BNIPL: variants seen among roughly 807,000 people sequenced by gnomAD.
BNIPL encodes the protein BCL2 interacting protein like.
In BNIPL, 33 loss-of-function variants were observed where a neutral mutation model predicts 47.0. The ratio of observed to expected loss-of-function variants is 0.70; its 90% CI spans 0.53 to 0.94. The LOEUF is 0.94. Among genes scored for constraint, BNIPL ranks in the 40% least tolerant of loss-of-function variants. The probability of loss-of-function intolerance (pLI) is 0.00; values close to 1 mark genes in which losing one functional copy is unlikely to be tolerated. For synonymous variants in BNIPL, 145 were observed against 162.7 expected (o/e 0.89, Z 0.83); for missense variants, 404 against 445.2 (o/e 0.91, Z 0.83).
intron 4 of BNIPL, among the ~76,000 whole-genome samples, chr1:151,040,787 C>T (rs1295355665): frequency 9.3e-6 from 1 of 106,984 alleles, no homozygotes; most frequent in Non-Finnish European, 1.9e-5. Context: ...AAGAGCAAAA[C>T]TCCATCTCAA....
Position 151,038,799 on chromosome 1 carries a change from C to T in BNIPL, c.206C>T (p.Ala69Val), listed in dbSNP as rs775521417. ...CTCTTTTTCCCCCTTTCTCCAGCTG[C>T]AGGTACCCCCAGCACTTTAGCCCTG... Reference protein sequence around the residue: ...EDPKGDSQAAAGTPSTLALCG... With the variant: ...EDPKGDSQAAVGTPSTLALCG... The change falls in exon 4 of 10, where the codon GCA (alanine) becomes GTA (valine). Residue 69 changes from alanine (A) to valine (V), a missense_variant. Physicochemically the swap from Ala to Val is moderately conservative, Grantham distance 64 (BLOSUM62 0). Transcript: ENST00000368931. 6.4e-7 allele frequency: 1 copy of T among 1,574,654 alleles called. No homozygotes were observed.
Position 151,046,825 on chromosome 1 carries a change from G to A in BNIPL, c.*138G>A. ...GATCTTCACTTCTCAGTGGGATTTTGTCCTTTGCATGACCCTACTTTCAGC... is the reference window on the plus strand; with the variant it reads ...GATCTTCACTTCTCAGTGGGATTTTATCCTTTGCATGACCCTACTTTCAGC... On this transcript the variant is annotated 3_prime_UTR_variant, in exon 10 of 10. Transcript: ENST00000368931. 1 of 694,438 alleles carries A rather than the reference G, an allele frequency of 1.4e-6. No individual in the cohort carries two copies. The highest frequency in any genetic ancestry group is 2.4e-6 in the Non-Finnish European group (1 of 420,062). 43.0% of individuals were successfully genotyped at this position (694,438 alleles called of 1,614,324 possible).
chr1:151,039,007 A>G lies in BNIPL; in HGVS notation c.414A>G (p.Gly138=), dbSNP rs902434926. 1.3e-6 allele frequency: 2 copies of G among 1,585,602 alleles called. No homozygotes were observed. The highest frequency in any genetic ancestry group is 1.4e-5 in the African/African-American group (1 of 73,648). The change falls in exon 4 of 10, where the codon GGA becomes GGG. Residue 138 remains glycine, a synonymous_variant. Transcript: ENST00000368931. Reference sequence around the variant, plus strand: ...CAGACTCGGAGCAGCTGGACAGTGGACATGAATTTGAATGGGAAGGTGGGA... The same window carrying G: ...CAGACTCGGAGCAGCTGGACAGTGGGCATGAATTTGAATGGGAAGGTGGGA... ...TPSDSEQLDS[G]HEFEWEDELP...
chr1:151,036,604 C>G lies in BNIPL; in HGVS notation c.-122C>G, dbSNP rs1675603609. 1.1e-6 allele frequency: 1 copy of G among 924,494 alleles called. No individual in the cohort carries two copies. The highest frequency in any genetic ancestry group is 1.6e-5 in the African/African-American group (1 of 60,672). The allele number at this position is 924,494 out of a possible 1,614,324, so 57.3% of individuals were successfully genotyped here. A position where few individuals can be genotyped will look rare whatever the true frequency, so the allele number is the denominator to read the frequency against. On this transcript the variant is annotated 5_prime_UTR_variant, in exon 1 of 10. Coordinates refer to ENST00000368931, the MANE Select transcript of BNIPL (RefSeq NM_138278.4). Reference sequence around the variant, plus strand: ...GTTACCTCCCTTCCACACCTCCCTCCTTGGAGGCAAGAGCTACAACAGCTG... The same window carrying G: ...GTTACCTCCCTTCCACACCTCCCTCGTTGGAGGCAAGAGCTACAACAGCTG...
At chr1:151,041,763 C>T (rs1675829965) in intron 4 of BNIPL, among the ~76,000 whole-genome samples, 2 of 152,160 alleles carry the variant, frequency 1.3e-5, no homozygotes, top group African/African-American at 4.8e-5. Context: ...CACCTGAGGT[C>T]AGGAGTTTGA....
rs1448975913 is a variant in BNIPL at position 151,045,817 on chromosome 1, C to T, written c.872C>T (p.Ala291Val). The T allele has an allele frequency of 6.2e-7, 1 of 1,613,978 alleles. No homozygotes were observed. The highest frequency in any genetic ancestry group is 1.3e-5 in the African/African-American group (1 of 74,888). The change falls in exon 8 of 10, where the codon GCC becomes GTC. Residue 291 changes from alanine (A) to valine (V), a missense_variant. Coordinates refer to ENST00000368931, the MANE Select transcript of BNIPL (RefSeq NM_138278.4). Reference sequence around the variant, plus strand: ...TTCAGGCTACGGAAAAACCTGCGAGCCCTGGTGGTTGTCCATGCTACATGG... The same window carrying T: ...TTCAGGCTACGGAAAAACCTGCGAGTCCTGGTGGTTGTCCATGCTACATGG... ...LDRRLRKNLR[A>V]LVVVHATWYV...
chr1:151,038,000 CAAAAAAAA>C (rs58423611), intron 2 of BNIPL, among the ~76,000 whole-genome samples: 2 of 63,948 alleles, frequency 3.1e-5, no homozygotes, highest in African/African-American at 9.4e-5. Context: ...AACTCTGTCT[CAAAAAAAA>C]AAAAAAAAAA....
At chr1:151,039,916 A>T (rs587747756) in intron 4 of BNIPL, among the ~76,000 whole-genome samples, 2 of 152,108 alleles carry the variant, frequency 1.3e-5, no homozygotes, top group African/African-American at 4.8e-5. Context: ...ACGTGTGGCT[A>T]ATTTTTATAT....
At position 151,037,592 on chromosome 1, in the gene BNIPL, G is replaced by C; in HGVS notation, c.67G>C (p.Glu23Gln). 6.2e-7 allele frequency: 1 copy of C among 1,607,870 alleles called. No homozygotes were observed. The highest frequency in any genetic ancestry group is 1.1e-5 in the South Asian group (1 of 89,850). ...VGVREIAEAP[E>Q]LGAALRHGEL... ...GGTCAGGGAGATTGCAGAAGCACCA[G>C]AACTAGGAGCAGCCCTGAGACATGG... The change falls in exon 2 of 10, where the codon GAA becomes CAA. Residue 23 changes from glutamate to glutamine, a missense_variant. Coordinates refer to ENST00000368931, the MANE Select transcript of BNIPL (RefSeq NM_138278.4).
rs201021718 is a variant in BNIPL at position 151,043,994 on chromosome 1, G to GT, written c.851+275dup. Among the ~76,000 whole-genome samples the GT allele has an allele frequency of 5.1e-3, 756 of 148,262 alleles. 12 individuals are homozygous for GT. Among genetic ancestry groups the GT allele is most frequent in the African/African-American group, 0.019 (713 of 38,294 alleles). On this transcript the variant is annotated intron_variant, in intron 7 of 9. Transcript: ENST00000368931. ...TCAGCTTCAGTTTTTTTGTTTTTTT[G>GT]TTTTTTTTGAGACAGGATCTGGCTG...
chr1:151,045,738 C>T (rs765376960), intron 7 of BNIPL, 59 bp from the exon 8 acceptor site: 496 of 1,612,826 alleles, frequency 3.1e-4, no homozygotes, highest in Non-Finnish European at 4.0e-4. Flanking sequence ...AACAGTTCCA[C>T]GTGATCTTCA....
chr1:151,045,357 G>A (rs587687914), intron 7 of BNIPL, among the ~76,000 whole-genome samples: 1 of 150,180 alleles, frequency 6.7e-6, no homozygotes, highest in African/African-American at 2.4e-5. Flanking sequence ...AGATCACGAG[G>A]TCAGGAGATC....
At chr1:151,045,239 G>GC (rs1257441496) in intron 7 of BNIPL, among the ~76,000 whole-genome samples, 1 of 122,810 alleles carries the variant, frequency 8.1e-6, no homozygotes. Flanking sequence ...ACTGACTCCA[G>GC]CCTGGCGACA....
At chr1:151,044,485 C>T (rs1675937159) in intron 7 of BNIPL, among the ~76,000 whole-genome samples, 1 of 152,102 alleles carries the variant, frequency 6.6e-6, no homozygotes, top group African/African-American at 2.4e-5. Context: ...TCTCTGTCAC[C>T]AGGCTGCAGT....
intron 3 of BNIPL, 70 bp downstream of exon 3, chr1:151,038,638 C>A (rs780584056): frequency 1.9e-6 from 3 of 1,593,230 alleles, no homozygotes; most frequent in Non-Finnish European, 2.6e-6. Context: ...CACCTCTATC[C>A]TTTTACAGTT....
intron 7 of BNIPL, among the ~76,000 whole-genome samples, chr1:151,044,626 G>T (rs965330614): frequency 2.6e-5 from 4 of 151,746 alleles, no homozygotes; most frequent in Non-Finnish European, 4.4e-5. Context: ...TTGTATTTTT[G>T]TTGTTGTTGT....
At chr1:151,043,493 A>T (rs1230931767) in intron 6 of BNIPL, 59 bp downstream of exon 6, 5 of 1,554,846 alleles carry the variant, frequency 3.2e-6, no homozygotes, top group South Asian at 2.2e-5. Flanking sequence ...AGTAAAAAAG[A>T]ACTCCTTCAA....
chr1:151,039,820 G>A (rs1255916063), intron 4 of BNIPL, among the ~76,000 whole-genome samples: 6 of 152,096 alleles, frequency 3.9e-5, no homozygotes, highest in African/African-American at 1.4e-4. Context: ...GTGTGATATA[G>A]GCTTACTGCA....
chr1:151,046,213 C>T, intron 9 of BNIPL, 48 bp downstream of exon 9: 1 of 1,605,312 alleles, frequency 6.2e-7, no homozygotes. Context: ...ATGTGTAAAG[C>T]CAATCTCTAC....
Sources: allele counts gnomAD v4.1 joint callset (sites outside exome capture counted in the v4.1 genomes callset), GRCh38; gene constraint gnomAD v4.1.1; transcripts MANE v1.5; gene names NCBI Gene and HGNC (gene_info 2026-07-23, HGNC 2026-07-21).